ARSG: variants seen among roughly 807,000 people sequenced by gnomAD.
ARSG encodes ASG.
Under a neutral mutation model 50.5 loss-of-function variants are expected in ARSG, and 37 were observed. The ratio of observed to expected loss-of-function variants is 0.73; its 90% CI spans 0.56 to 0.96. ARSG has a LOEUF of 0.96. Among genes scored for constraint, ARSG ranks in the 50% least tolerant of loss-of-function variants. The pLI, the probability that ARSG is intolerant of heterozygous loss-of-function variation, is 0.00. For missense variants in ARSG, 629 were observed against 675.3 expected (o/e 0.93, Z 0.76); for synonymous variants, 225 against 254.6 (o/e 0.88, Z 1.11).
Position 68,271,641 on chromosome 17 carries a change from C to T in ARSG, c.-552+12215C>T. On this transcript the variant is annotated intron_variant, in intron 1 of 11. Coordinates refer to the ARSG transcript ENST00000448504. This position sits in a 1 kb window ranked among gnomAD's most constrained non-coding sequence, Gnocchi z 5.3. The stretch of plus-strand genomic sequence containing the variant: ...TGTATCTCCAGCCAATGCGCTCCTT[C>T]AGAGCCATGATTGCTTGAATAGGCA... The T allele has an allele frequency of 6.2e-7, 1 of 1,612,090 alleles. No individual in the cohort carries two copies. Among genetic ancestry groups the T allele is most frequent in the Non-Finnish European group, 8.5e-7 (1 of 1,178,298 alleles).
chr17:68,351,955 G>A (rs952873070), intron 5 of ARSG, among the ~76,000 whole-genome samples: 4 of 152,096 alleles, frequency 2.6e-5, no homozygotes, highest in African/African-American at 9.7e-5. Context: ...TGCTGCTAGG[G>A]TCTCACACAT....
At chr17:68,436,533 C>T in the ARSG span, 54 of 1,551,164 alleles carry the variant, frequency 3.5e-5, no homozygotes, top group South Asian at 3.1e-4. Context: ...AGAGATTGCA[C>T]GGCTGGAGAG....
downstream of ARSG, chr17:68,426,251 G>GGGGGGA: frequency 6.1e-6 from 5 of 825,456 alleles, 2 homozygotes; most frequent in Non-Finnish European, 3.8e-6. Context: ...GTGGGGAGCG[G>GGGGGGA]GGGCTCAAAT....
At chr17:68,347,208 CAGAAAAT>C in intron 4 of ARSG, 36 bp downstream of exon 4, 1 of 1,603,428 alleles carries the variant, frequency 6.2e-7, no homozygotes, top group Non-Finnish European at 8.5e-7. Flanking sequence ...ACCTGGGAAA[CAGAAAAT>C]AAAGGTCTCT....
intron 9 of ARSG, 39 bp from the exon 10 acceptor site, chr17:68,395,034 A>T: frequency 6.2e-7 from 1 of 1,611,128 alleles, no homozygotes; most frequent in Non-Finnish European, 8.5e-7. Flanking sequence ...GGAGCGAGTC[A>T]GAAGAGCTGG....
At position 68,325,628 on chromosome 17, in the gene ARSG, A is replaced by T. The variant is rs1555772130; in HGVS notation, c.218+17917A>T. Among the ~76,000 whole-genome samples the T allele has an allele frequency of 2.6e-5, 4 of 152,082 alleles. No homozygotes were observed. In the South Asian group the frequency reaches 6.2e-4, roughly 24 times the overall value. ...CGGAAACCCAACTCAATCAACCTAAACACAAAAGAGGCACAGGTGGGGCTC... is the reference window on the plus strand; with the variant it reads ...CGGAAACCCAACTCAATCAACCTAATCACAAAAGAGGCACAGGTGGGGCTC... On this transcript the variant is annotated intron_variant, in intron 2 of 11. Transcript: ENST00000621439.
rs1370606626 is a variant in ARSG, at chr17:68,399,885, T to C, written c.1213-1475T>C. On this transcript the variant is annotated intron_variant, in intron 10 of 11. Transcript: ENST00000621439. The surrounding 1 kb of genome is among the most constrained non-coding windows in gnomAD (Gnocchi z 4.6). ...TCAAGAAGGAAACAAAACAGTCTCC[T>C]GTGGTGAAGAGGCTTGGCTTTCTGC... 1.3e-5 allele frequency among the ~76,000 whole-genome samples: 2 copies of C among 152,228 alleles called. No homozygotes were observed. Among genetic ancestry groups the C allele is most frequent in the African/African-American group, 4.8e-5 (2 of 41,464 alleles).
At chr17:68,269,001 G>A in intron 1 of ARSG, 1 of 1,561,496 alleles carries the variant, frequency 6.4e-7, no homozygotes. Context: ...TGAAAGTGGA[G>A]TAGAGGGGTT....
chr17:68,312,046 C>T (rs146955416), intron 2 of ARSG, among the ~76,000 whole-genome samples: 34 of 152,228 alleles, frequency 2.2e-4, no homozygotes, highest in African/African-American at 7.5e-4. Context: ...GTGATCCACT[C>T]GCCTTGGCCT....
At chr17:68,351,543 G>A (rs755055623) in intron 4 of ARSG, 32 bp from the exon 5 acceptor site, 23 of 1,292,550 alleles carry the variant, frequency 1.8e-5, no homozygotes, top group South Asian at 3.5e-5. Flanking sequence ...TCGCAGCCAC[G>A]TGGGGGTGCT....
chr17:68,309,233 C>G (rs932274912), intron 2 of ARSG, among the ~76,000 whole-genome samples: 3 of 152,250 alleles, frequency 2.0e-5, no homozygotes, highest in African/African-American at 7.2e-5. Context: ...CACGCCCACC[C>G]GGAACTCCAG....
rs181047582 is a variant in ARSG, at chr17:68,328,999, C to T, written c.219-14605C>T. 3.7e-3 allele frequency among the ~76,000 whole-genome samples: 560 copies of T among 152,238 alleles called. 1 individual carries two copies. Among genetic ancestry groups the T allele is most frequent in the South Asian group, 6.2e-3 (30 of 4,826 alleles). ...TGGAACTCTAATCTGGATAAGGGAGCCAGCAGCAGCAAAAAGACAAATCCC... is the reference window on the plus strand; with the variant it reads ...TGGAACTCTAATCTGGATAAGGGAGTCAGCAGCAGCAAAAAGACAAATCCC... On this transcript the variant is annotated intron_variant, in intron 2 of 11. Coordinates refer to ENST00000621439, the MANE Select transcript of ARSG (RefSeq NM_001267727.2).
At chr17:68,312,600 T>C (rs559179605) in intron 2 of ARSG, among the ~76,000 whole-genome samples, 181 of 152,234 alleles carry the variant, frequency 1.2e-3, no homozygotes, top group African/African-American at 4.2e-3. Flanking sequence ...ATGTGGTTCG[T>C]TGGGCTCTCC....
rs529982846 is a variant in ARSG at position 68,271,834 on chromosome 17, C to T, written c.-552+12408C>T. On this transcript the variant is annotated intron_variant, in intron 1 of 11. Transcript: ENST00000448504. This position sits in a 1 kb window ranked among gnomAD's most constrained non-coding sequence, Gnocchi z 5.3. ...TTATTTACTTTTTGAGACAGAGTCT[C>T]ACTCTGTCACCAGGCTGGAGTGCAG... 5.9e-5 allele frequency among the ~76,000 whole-genome samples: 9 copies of T among 152,310 alleles called. No individual in the cohort carries two copies. Among genetic ancestry groups the T allele is most frequent in the Admixed American group, 5.2e-4 (8 of 15,300 alleles).
intron 7 of ARSG, 69 bp from the exon 8 acceptor site, chr17:68,370,375 C>A: frequency 2.8e-6 from 4 of 1,423,718 alleles, no homozygotes; most frequent in African/African-American, 1.4e-5. Flanking sequence ...GGATATAGGG[C>A]CAGAGTGGGA....
At chr17:68,260,354 C>CG (rs1339481140) in intron 1 of ARSG, among the ~76,000 whole-genome samples, 1 of 152,104 alleles carries the variant, frequency 6.6e-6, no homozygotes, top group Non-Finnish European at 1.5e-5. Flanking sequence ...ATTTTTCCCC[C>CG]GGGTTGTTTA....
chr17:68,426,240 G>GGT (rs1398241435), downstream of ARSG: 16 of 1,131,354 alleles, frequency 1.4e-5, no homozygotes, highest in Non-Finnish European at 1.9e-5. Context: ...TGACCTGGCG[G>GGT]GTGGGGAGCG....
intron 2 of ARSG, among the ~76,000 whole-genome samples, chr17:68,330,018 T>C (rs1233028333): frequency 6.6e-6 from 1 of 152,042 alleles, no homozygotes; most frequent in Non-Finnish European, 1.5e-5. Context: ...GAGACCAGCC[T>C]GGCTAACATG....
At chr17:68,393,764 G>A (rs8072457) in intron 9 of ARSG, among the ~76,000 whole-genome samples, 9,938 of 151,648 alleles carry the variant, frequency 0.066, 719 homozygotes, top group African/African-American at 0.17. Context: ...CTACTTAGGA[G>A]GCTGATGCAG....
Sources: gnomAD v4.1 joint callset for allele counts (sites outside exome capture counted in the v4.1 genomes callset) on GRCh38, gnomAD v4.1.1 for gene constraint, Gnocchi (gnomAD v3.1) non-coding constraint, MANE v1.5 for transcripts, NCBI Gene and HGNC (gene_info 2026-07-23, HGNC 2026-07-21) for gene names.